AFF1: variants seen among roughly 807,000 people sequenced by gnomAD.
AFF1 encodes ALF transcription elongation factor 1.
A neutral mutation model predicts 121.7 loss-of-function variants in AFF1; 48 were observed. The observed-to-expected ratio is 0.39, with a 90% CI of 0.31 to 0.50. AFF1 has a LOEUF of 0.50. Among genes scored for constraint, AFF1 ranks in the 20% least tolerant of loss-of-function variants. The pLI, the probability that AFF1 is intolerant of heterozygous loss-of-function variation, is 0.76. For synonymous variants in AFF1, 613 were observed against 563.0 expected (o/e 1.09, Z -1.26); for missense variants, 1,523 against 1,511.7 (o/e 1.01, Z -0.12).
intron 2 of AFF1, among the ~76,000 whole-genome samples, chr4:87,022,170 A>G (rs1727963511): frequency 7.3e-6 from 1 of 137,260 alleles, no homozygotes; most frequent in South Asian, 2.3e-4. Context: ...GTGCCACTGC[A>G]CTCTGGCCTG....
At chr4:86,958,486 G>A (rs1721916799) in intron 2 of AFF1, among the ~76,000 whole-genome samples, 1 of 152,142 alleles carries the variant, frequency 6.6e-6, no homozygotes, top group South Asian at 2.1e-4. Flanking sequence ...GGGAGGCCAC[G>A]GTGGGTAAAT....
At position 87,047,373 on chromosome 4, in the gene AFF1, A is replaced by G. The variant is rs752052622; in HGVS notation, c.838A>G (p.Thr280Ala). The change falls in exon 4 of 21, where the codon ACA becomes GCA. Residue 280 changes from threonine to alanine, a missense_variant. Transcript: ENST00000395146. The part of the protein sequence containing the change: ...LVAPAQPPSQ[T>A]FPPPSLPSKS... ...GGCCCCTGCCCAGCCGCCTTCTCAGACATTTCCACCTCCCTCCCTCCCCTC... is the reference window on the plus strand; with the variant it reads ...GGCCCCTGCCCAGCCGCCTTCTCAGGCATTTCCACCTCCCTCCCTCCCCTC... 5 of 1,613,964 alleles carry G rather than the reference A, an allele frequency of 3.1e-6. No homozygotes were observed. The Admixed American group carries it at 5.0e-5, about 16-fold the overall frequency.
intron 2 of AFF1, among the ~76,000 whole-genome samples, chr4:86,993,248 A>G (rs1474249412): frequency 6.6e-6 from 1 of 152,218 alleles, no homozygotes; most frequent in East Asian, 1.9e-4. Flanking sequence ...GGTATCACAG[A>G]AAGTGCCAGT....
At chr4:87,069,567 TCTCTC>T (rs1424671667) in intron 4 of AFF1, among the ~76,000 whole-genome samples, 2 of 127,480 alleles carry the variant, frequency 1.6e-5, no homozygotes, top group Non-Finnish European at 3.1e-5. Flanking sequence ...CCCTCTCCTC[TCTCTC>T]CTCTCTCCCT....
chr4:86,956,202 T>A (rs539844559), intron 2 of AFF1, among the ~76,000 whole-genome samples: 1 of 152,342 alleles, frequency 6.6e-6, no homozygotes, highest in South Asian at 2.1e-4. Flanking sequence ...AACACCTTGT[T>A]TTCCCTCATT....
intron 12 of AFF1, among the ~76,000 whole-genome samples, chr4:87,120,996 G>A (rs1298196613): frequency 7.2e-6 from 1 of 138,944 alleles, no homozygotes; most frequent in Non-Finnish European, 1.5e-5. Context: ...CTCTTGCCCT[G>A]TGCTCCACTG....
chr4:87,121,696 A>C (rs1326375281), intron 12 of AFF1, among the ~76,000 whole-genome samples: 1 of 152,252 alleles, frequency 6.6e-6, no homozygotes, highest in East Asian at 1.9e-4. Context: ...AGCTTATAGA[A>C]TATTATCTGC....
intron 15 of AFF1, 60 bp downstream of exon 15, chr4:87,127,177 C>A (rs540331001): frequency 3.8e-6 from 5 of 1,299,242 alleles, no homozygotes; most frequent in South Asian, 1.2e-5. Context: ...CCCCCCCCCA[C>A]CAAGATAGAG....
intron 2 of AFF1, among the ~76,000 whole-genome samples, chr4:87,029,244 T>C (rs945976263): frequency 1.3e-5 from 2 of 152,190 alleles, no homozygotes; most frequent in Non-Finnish European, 2.9e-5. Flanking sequence ...GCTAGAGTTA[T>C]AAGGGGAAAC....
Position 87,014,908 on chromosome 4 carries a change from C to T in AFF1, c.39-31258C>T, listed in dbSNP as rs149192343. Among the ~76,000 whole-genome samples, 4 of 152,282 alleles carry T rather than the reference C, an allele frequency of 2.6e-5. No individual in the cohort carries two copies. In the East Asian group the frequency reaches 7.7e-4, roughly 29 times the overall value. ...TGTACAAAACTATGAAACCTGTTTC[C>T]TCCCTAGCTTTGCAGAAATTTTGTC... On this transcript the variant is annotated intron_variant, in intron 2 of 20. Transcript: ENST00000395146.
chr4:86,949,176 A>ATT (rs1721083206), intron 2 of AFF1, among the ~76,000 whole-genome samples: 1 of 106,842 alleles, frequency 9.4e-6, no homozygotes, highest in South Asian at 3.0e-4. Context: ...ATATATATAT[A>ATT]TATATTTTTT....
chr4:87,110,715 TAAG>T (rs916808767), intron 11 of AFF1, among the ~76,000 whole-genome samples: 1 of 149,864 alleles, frequency 6.7e-6, no homozygotes, highest in African/African-American at 2.4e-5. Flanking sequence ...TGCATAATAA[TAAG>T]CTCAAAACTT....
At chr4:87,051,726 C>T (rs575693860) in intron 4 of AFF1, among the ~76,000 whole-genome samples, 3 of 152,180 alleles carry the variant, frequency 2.0e-5, no homozygotes, top group Non-Finnish European at 2.9e-5. Flanking sequence ...CCTCAGCCTC[C>T]CAAAGTGCTG....
intron 1 of AFF1, among the ~76,000 whole-genome samples, chr4:86,940,125 G>C (rs958206172): frequency 6.6e-6 from 1 of 152,142 alleles, no homozygotes; most frequent in South Asian, 2.1e-4. Context: ...TTTGAGACTA[G>C]CCTGGGCAAC....
rs560877271 is a variant in AFF1 at position 86,991,920 on chromosome 4, C to T, written c.38+43349C>T. Among the ~76,000 whole-genome samples, 615 of 149,134 alleles carry T rather than the reference C, an allele frequency of 4.1e-3. 1 individual carries two copies. The highest frequency in any genetic ancestry group is 0.014 in the African/African-American group (578 of 40,254). ...CCTATTTATTGAATTTTCTTTCAAC[C>T]TTCAGACACTTCTCGAGAAAACCAA... On this transcript the variant is annotated intron_variant, in intron 2 of 20. Transcript: ENST00000395146.
chr4:86,958,270 T>C (rs952025000), intron 2 of AFF1, among the ~76,000 whole-genome samples: 5 of 151,834 alleles, frequency 3.3e-5, no homozygotes, highest in Admixed American at 2.0e-4. Context: ...ATTTTTTGTA[T>C]TTTTAGTAGA....
At chr4:87,081,152 A>ATT (rs549510832) in intron 4 of AFF1, among the ~76,000 whole-genome samples, 9,964 of 89,482 alleles carry the variant, frequency 0.11, 1,710 homozygotes, top group Non-Finnish European at 0.14. Flanking sequence ...AATGAAATGA[A>ATT]TTTTTTTTTT....
intron 2 of AFF1, among the ~76,000 whole-genome samples, chr4:86,996,153 A>G (rs553204878): frequency 9.3e-5 from 13 of 140,090 alleles, no homozygotes; most frequent in South Asian, 2.3e-4. Context: ...GGTGAGGGGC[A>G]CCTCTGCCCG....
At chr4:86,988,926 A>C (rs1724495831) in intron 2 of AFF1, among the ~76,000 whole-genome samples, 4 of 152,216 alleles carry the variant, frequency 2.6e-5, no homozygotes, top group Admixed American at 2.6e-4. Context: ...TGACAAAAAC[A>C]AGCAATGGGG....
Sources: allele counts gnomAD v4.1 joint callset (sites outside exome capture counted in the v4.1 genomes callset), GRCh38; gene constraint gnomAD v4.1.1; transcripts MANE v1.5; gene names NCBI Gene and HGNC (gene_info 2026-07-23, HGNC 2026-07-21).